SRPK2: variants seen among roughly 807,000 people sequenced by gnomAD.
The protein encoded by SRPK2 is SRSF protein kinase 2.
Under a neutral mutation model 90.8 loss-of-function variants are expected in SRPK2, and 21 were observed. That is an observed-to-expected ratio of 0.23 (90% CI 0.16 to 0.33). SRPK2 has a LOEUF of 0.33. Among genes scored for constraint, SRPK2 ranks in the 10% least tolerant of loss-of-function variants. The pLI, the probability that SRPK2 is intolerant of heterozygous loss-of-function variation, is 1.00. For missense variants in SRPK2, 620 were observed against 869.0 expected (o/e 0.71, Z 3.60); for synonymous variants, 288 against 311.1 (o/e 0.93, Z 0.78).
At chr7:105,374,810 T>C (rs1051576877) in intron 2 of SRPK2, among the ~76,000 whole-genome samples, 3 of 152,154 alleles carry the variant, frequency 2.0e-5, no homozygotes, top group Non-Finnish European at 4.4e-5. Flanking sequence ...GGTTGCACCA[T>C]ATTGGCTAGG....
chr7:105,254,266 T>C (rs1802912196), intron 2 of SRPK2, among the ~76,000 whole-genome samples: 1 of 152,230 alleles, frequency 6.6e-6, no homozygotes, highest in South Asian at 2.1e-4. Flanking sequence ...AAGTCAACAC[T>C]ATCTGGAATA....
At chr7:105,175,139 C>CAAAA (rs377120080) in intron 3 of SRPK2, among the ~76,000 whole-genome samples, 1 of 115,896 alleles carries the variant, frequency 8.6e-6, no homozygotes, top group Non-Finnish European at 1.8e-5. Context: ...AACTCCGTTT[C>CAAAA]AAAAAAAAAA....
chr7:105,204,071 C>G (rs964357393), intron 2 of SRPK2, among the ~76,000 whole-genome samples: 1 of 151,946 alleles, frequency 6.6e-6, no homozygotes, highest in Non-Finnish European at 1.5e-5. Context: ...AATTTCAGTG[C>G]GCTCCACTCA....
intron 2 of SRPK2, among the ~76,000 whole-genome samples, chr7:105,228,007 T>C (rs56761753): frequency 0.051 from 7,695 of 152,086 alleles, 644 homozygotes; most frequent in African/African-American, 0.17. Flanking sequence ...AAAAGGAAGA[T>C]TTTAATAACA....
At chr7:105,204,697 C>T in intron 2 of SRPK2, 1 of 936,842 alleles carries the variant, frequency 1.1e-6, no homozygotes, top group South Asian at 1.4e-5. Context: ...CTCAGGCCTG[C>T]TGCGTCTAGA....
chr7:105,265,790 G>A (rs556601429), intron 2 of SRPK2, among the ~76,000 whole-genome samples: 1 of 152,206 alleles, frequency 6.6e-6, no homozygotes, highest in African/African-American at 2.4e-5. Context: ...AAAATCTCCA[G>A]AGGGTACTGT....
chr7:105,141,780 T>C (rs1803815548), intron 11 of SRPK2, among the ~76,000 whole-genome samples: 1 of 152,184 alleles, frequency 6.6e-6, no homozygotes, highest in African/African-American at 2.4e-5. Context: ...ATATTAAAAA[T>C]GAAAACTGGT....
At chr7:105,329,735 C>T (rs908297939) in intron 2 of SRPK2, among the ~76,000 whole-genome samples, 5 of 152,032 alleles carry the variant, frequency 3.3e-5, no homozygotes, top group African/African-American at 7.3e-5. Flanking sequence ...GGCTCATCTC[C>T]GTGGCTTAAG....
intron 2 of SRPK2, among the ~76,000 whole-genome samples, chr7:105,368,619 T>C (rs1819345671): frequency 6.6e-6 from 1 of 152,118 alleles, no homozygotes; most frequent in South Asian, 2.1e-4. Context: ...CCACGGCGGC[T>C]CAAGCCTGTA....
chr7:105,362,720 C>T (rs1818578168), intron 2 of SRPK2, among the ~76,000 whole-genome samples: 1 of 152,068 alleles, frequency 6.6e-6, no homozygotes, highest in Admixed American at 6.6e-5. Flanking sequence ...GATTATAAAT[C>T]ATGCTGCTAT....
intron 2 of SRPK2, among the ~76,000 whole-genome samples, chr7:105,280,656 AG>A (rs34617561): frequency 0.17 from 4,300 of 25,856 alleles, 171 homozygotes; most frequent in East Asian, 0.35. Context: ...ATTAAAAAAA[AG>A]GGGGGGGGGG....
intron 2 of SRPK2, among the ~76,000 whole-genome samples, chr7:105,320,618 T>C (rs866397758): frequency 6.6e-6 from 1 of 152,210 alleles, no homozygotes; most frequent in Admixed American, 6.5e-5. Context: ...TTCAAAGTTA[T>C]AGTTATAAAG....
chr7:105,184,224 C>T (rs1237455592), intron 3 of SRPK2, among the ~76,000 whole-genome samples: 2 of 151,936 alleles, frequency 1.3e-5, no homozygotes, highest in African/African-American at 4.8e-5. Flanking sequence ...AATGATCTGC[C>T]CACCTTGGCC....
intron 2 of SRPK2, among the ~76,000 whole-genome samples, chr7:105,208,898 G>T (rs1190291459): frequency 6.6e-6 from 1 of 152,128 alleles, no homozygotes; most frequent in Non-Finnish European, 1.5e-5. Flanking sequence ...GAGGCAGGAG[G>T]ATCGCTTGAG....
At chr7:105,215,425 A>G (rs557957223) in intron 2 of SRPK2, among the ~76,000 whole-genome samples, 5 of 152,358 alleles carry the variant, frequency 3.3e-5, no homozygotes, top group African/African-American at 1.2e-4. Flanking sequence ...CAGTTTGGAC[A>G]ACAGTCTAGC....
chr7:105,182,459 T>G (rs1309721155), intron 3 of SRPK2, among the ~76,000 whole-genome samples: 6 of 148,914 alleles, frequency 4.0e-5, no homozygotes. Flanking sequence ...CCGCCTTTTT[T>G]TTTTTTTTTT....
chr7:105,186,582 T>G (rs1793609134), intron 3 of SRPK2, among the ~76,000 whole-genome samples: 1 of 152,232 alleles, frequency 6.6e-6, no homozygotes, highest in Non-Finnish European at 1.5e-5. Flanking sequence ...CGGACTGTGT[T>G]CTTCAACAAA....
chr7:105,211,781 G>T (rs560691002), intron 2 of SRPK2, among the ~76,000 whole-genome samples: 1 of 152,196 alleles, frequency 6.6e-6, no homozygotes. Flanking sequence ...GCAAACAATT[G>T]TAATTCCAAG....
At chr7:105,361,379 C>T (rs1229811696) in intron 2 of SRPK2, among the ~76,000 whole-genome samples, 9 of 152,122 alleles carry the variant, frequency 5.9e-5, no homozygotes, top group African/African-American at 1.4e-4. Flanking sequence ...GAATCAATAT[C>T]GTGAAAATGG....
Sources: gnomAD v4.1 joint callset for allele counts (sites outside exome capture counted in the v4.1 genomes callset) on GRCh38, gnomAD v4.1.1 for gene constraint, MANE v1.5 for transcripts, NCBI Gene and HGNC (gene_info 2026-07-23, HGNC 2026-07-21) for gene names.